The following PHYHIPL variants were observed in gnomAD, a reference collection of about 807,000 sequenced individuals.
PHYHIPL encodes the protein phytanoyl-CoA hydroxylase-interacting protein-like.
In PHYHIPL, 9 loss-of-function variants were observed where a neutral mutation model predicts 33.4. The observed-to-expected ratio is 0.27, with a 90% CI of 0.16 to 0.47. PHYHIPL has a LOEUF of 0.47. Among genes scored for constraint, PHYHIPL ranks in the 20% least tolerant of loss-of-function variants. PHYHIPL has a pLI of 0.99. For synonymous variants in PHYHIPL, 153 were observed against 154.1 expected, an observed-to-expected ratio of 0.99 and a Z score of 0.05; for missense variants, 365 against 460.7, an observed-to-expected ratio of 0.79 and a Z score of 1.90.
At chr10:59,217,556 T>C (rs373418965) in intron 1 of PHYHIPL, among the ~76,000 whole-genome samples, 5 of 151,966 alleles carry the variant, frequency 3.3e-5, no homozygotes, top group East Asian at 3.8e-4. Flanking sequence ...TGTATTCTGA[T>C]ATCTCTAATA....
In PHYHIPL at chr10:59,245,659, T is replaced by C. The variant is rs1233805679; in HGVS notation, c.*68T>C. The C allele has an allele frequency of 1.4e-6, 2 of 1,462,102 alleles. No homozygotes were observed. The highest frequency in any genetic ancestry group is 1.4e-5 in the South Asian group (1 of 72,958). 90.6% of individuals were successfully genotyped at this position (1,462,102 alleles called of 1,614,324 possible). A position where few individuals can be genotyped will look rare whatever the true frequency, so the allele number is the denominator to read the frequency against. On this transcript the variant is annotated 3_prime_UTR_variant, in exon 5 of 5. Coordinates refer to ENST00000373880, the MANE Select transcript of PHYHIPL (RefSeq NM_032439.4). ...AGGAGCATTGGTCCTCTGTTGTCCATTTTTATCACCAGATGTTTTCCACTG... is the reference window on the plus strand; with the variant it reads ...AGGAGCATTGGTCCTCTGTTGTCCACTTTTATCACCAGATGTTTTCCACTG...
At position 59,178,851 on chromosome 10, in the gene PHYHIPL, C is replaced by A. The variant is rs114950794; in HGVS notation, c.106+1892C>A. The stretch of plus-strand genomic sequence containing the variant: ...GTTTCTTTTCAAATTAGGAATCCCA[C>A]AAAATGAACAAATTATGTAACATTT... On this transcript the variant is annotated intron_variant, in intron 1 of 4. Transcript: ENST00000373880. 2.6e-3 allele frequency among the ~76,000 whole-genome samples: 401 copies of A among 152,186 alleles called. 2 individuals carry two copies. The highest frequency in any genetic ancestry group is 9.0e-3 in the African/African-American group (375 of 41,556).
intron 1 of PHYHIPL, among the ~76,000 whole-genome samples, chr10:59,204,967 C>T (rs1043136320): frequency 6.6e-6 from 1 of 150,798 alleles, no homozygotes; most frequent in Non-Finnish European, 1.5e-5. Context: ...TGGATTCAAG[C>T]GATTCTCCTG....
At chr10:59,240,341 C>CA (rs1840355673) in intron 4 of PHYHIPL, among the ~76,000 whole-genome samples, 1 of 151,922 alleles carries the variant, frequency 6.6e-6, no homozygotes, top group Non-Finnish European at 1.5e-5. Flanking sequence ...GGGGTTATGT[C>CA]CTGTTAAACC....
Position 59,245,217 on chromosome 10 carries a change from G to C in PHYHIPL, c.757G>C (p.Glu253Gln), listed in dbSNP as rs777903149. ...QDSPYGRYRF[E>Q]IAAEKLFNPN... ...TTCACCTTATGGAAGATACAGGTTT[G>C]AGATTGCCGCAGAAAAACTTTTTAA... is the stretch of plus-strand genomic sequence containing the variant. The change falls in exon 5 of 5, where the codon GAG (glutamate) becomes CAG (glutamine). Residue 253 changes from glutamate to glutamine, a missense_variant. Coordinates refer to ENST00000373880, the MANE Select transcript of PHYHIPL (RefSeq NM_032439.4). The C allele has an allele frequency of 1.2e-5, 19 of 1,614,038 alleles. No homozygotes were observed. The highest frequency in any genetic ancestry group is 4.0e-5 in the African/African-American group (3 of 74,922).
chr10:59,185,212 G>A (rs796073744), intron 1 of PHYHIPL, among the ~76,000 whole-genome samples: 19 of 151,894 alleles, frequency 1.3e-4, no homozygotes, highest in African/African-American at 4.3e-4. Flanking sequence ...GGATGGTCTC[G>A]ATCTCCTGAC....
At chr10:59,211,015 C>A (rs1782357974) in intron 1 of PHYHIPL, among the ~76,000 whole-genome samples, 1 of 151,824 alleles carries the variant, frequency 6.6e-6, no homozygotes, top group Admixed American at 6.6e-5. Context: ...ACCTATGTAA[C>A]AAACCTGCAC....
At chr10:59,204,091 A>G (rs1435424929) in intron 1 of PHYHIPL, among the ~76,000 whole-genome samples, 2 of 152,224 alleles carry the variant, frequency 1.3e-5, no homozygotes, top group Non-Finnish European at 2.9e-5. Flanking sequence ...TAGAATATAA[A>G]GGATTTATAG....
intron 1 of PHYHIPL, among the ~76,000 whole-genome samples, chr10:59,227,460 C>A (rs903398095): frequency 6.6e-5 from 10 of 152,176 alleles, no homozygotes; most frequent in Non-Finnish European, 1.2e-4. Context: ...TCAAACACTT[C>A]CCACTAAGGC....
At chr10:59,207,578 AG>A (rs1839322158) in intron 1 of PHYHIPL, among the ~76,000 whole-genome samples, 1 of 152,078 alleles carries the variant, frequency 6.6e-6, no homozygotes, top group Admixed American at 6.5e-5. Context: ...CCTCCTCTCT[AG>A]GCAGGGAATC....
At chr10:59,194,083 T>TG (rs1564703699) in intron 1 of PHYHIPL, among the ~76,000 whole-genome samples, 9 of 146,726 alleles carry the variant, frequency 6.1e-5, no homozygotes, top group African/African-American at 2.3e-4. Context: ...CCTATATGTT[T>TG]TTTTTTTTTT....
rs11815693 is a variant in PHYHIPL, at chr10:59,246,650, G to A, written c.*1059G>A. ...TAAATATTCTGGCTTCTTTTTCAAGGTATCAGGGCAAACAATTTCCAAACT... is the reference window on the plus strand; with the variant it reads ...TAAATATTCTGGCTTCTTTTTCAAGATATCAGGGCAAACAATTTCCAAACT... On this transcript the variant is annotated 3_prime_UTR_variant, in exon 5 of 5. Transcript: ENST00000373880. 0.11 allele frequency: 44,069 copies of A among 397,452 alleles called. 2,854 individuals carry two copies. Among genetic ancestry groups the A allele is most frequent in the South Asian group, 0.21 (1,622 of 7,846 alleles). The allele number at this position is 397,452 out of a possible 1,614,324, so 24.6% of individuals were successfully genotyped here. A position where few individuals can be genotyped will look rare whatever the true frequency, so the allele number is the denominator to read the frequency against.
In PHYHIPL at chr10:59,180,314, G is replaced by GTATATA. The variant is rs35898292; in HGVS notation, c.106+3398_106+3403dup. On this transcript the variant is annotated intron_variant, in intron 1 of 4. Coordinates refer to ENST00000373880, the MANE Select transcript of PHYHIPL (RefSeq NM_032439.4). ...TATATAATATATATATATAGAAAAA[G>GTATATA]TATATATATATATATATATATATAT... Among the ~76,000 whole-genome samples, 118 of 86,118 alleles carry GTATATA rather than the reference G, an allele frequency of 1.4e-3. 1 individual carries two copies. The highest frequency in any genetic ancestry group is 2.0e-3 in the Non-Finnish European group (89 of 44,342). 56.5% of individuals were successfully genotyped at this position (86,118 alleles called of 152,430 possible).
intron 4 of PHYHIPL, among the ~76,000 whole-genome samples, chr10:59,242,140 G>A (rs1840421769): frequency 6.6e-6 from 1 of 152,194 alleles, no homozygotes; most frequent in Non-Finnish European, 1.5e-5. Flanking sequence ...TATCAGAGAA[G>A]CCTGAATAGG....
intron 1 of PHYHIPL, among the ~76,000 whole-genome samples, chr10:59,179,489 G>GA (rs1047516087): frequency 6.6e-6 from 1 of 151,534 alleles, no homozygotes; most frequent in African/African-American, 2.4e-5. Context: ...ATTTGGTGAT[G>GA]AAAAAAAATG....
At chr10:59,205,594 G>A (rs867582632) in intron 1 of PHYHIPL, among the ~76,000 whole-genome samples, 4 of 152,096 alleles carry the variant, frequency 2.6e-5, no homozygotes, top group African/African-American at 9.7e-5. Context: ...TTACCAATAT[G>A]CTAGAGTATT....
At chr10:59,218,489 T>C (rs1400111966) in intron 1 of PHYHIPL, among the ~76,000 whole-genome samples, 1 of 152,156 alleles carries the variant, frequency 6.6e-6, no homozygotes, top group African/African-American at 2.4e-5. Context: ...TGTAGAATGA[T>C]AGGGTAGAAT....
chr10:59,228,077 T>C (rs1159769547), intron 1 of PHYHIPL, among the ~76,000 whole-genome samples: 1 of 151,620 alleles, frequency 6.6e-6, no homozygotes, highest in African/African-American at 2.4e-5. Context: ...TAAAAACCAA[T>C]ATGATTCAAC....
rs540778096 is a variant in PHYHIPL at position 59,216,426 on chromosome 10, A to T, written c.107-17878A>T. Among the ~76,000 whole-genome samples, 4 of 152,124 alleles carry T rather than the reference A, an allele frequency of 2.6e-5. 1 individual carries two copies. The highest frequency in any genetic ancestry group is 9.6e-5 in the African/African-American group (4 of 41,526). On this transcript the variant is annotated intron_variant, in intron 1 of 4. Transcript: ENST00000373880. ...AGATAAGAACATTCCTTTCTTTTGG[A>T]TATCGGGAGGATCCTCTGGAATAAG...
Sources: allele counts gnomAD v4.1 joint callset (sites outside exome capture counted in the v4.1 genomes callset), GRCh38; gene constraint gnomAD v4.1.1; transcripts MANE v1.5; gene names NCBI Gene and HGNC (gene_info 2026-07-23, HGNC 2026-07-21).